The following KCNH4 variants were observed in gnomAD, a reference collection of about 807,000 sequenced individuals.
KCNH4 encodes potassium voltage-gated channel subfamily H member 4, also known as voltage-gated delayed rectifier potassium channel KCNH4.
A neutral mutation model predicts 90.7 loss-of-function variants in KCNH4; 33 were observed. That is an observed-to-expected ratio of 0.36 (90% CI 0.28 to 0.49). KCNH4 has a LOEUF of 0.49. KCNH4 is among the 20% of genes least tolerant of loss of function. KCNH4 has a pLI of 0.98. For synonymous variants in KCNH4, 551 were observed against 581.7 expected (o/e 0.95, Z 0.76); for missense variants, 1,044 against 1,387.1 (o/e 0.75, Z 3.93).
chr17:42,180,270 G>T lies in KCNH4; in HGVS notation c.76+600C>A, dbSNP rs908643346. On this transcript the variant is annotated intron_variant, in intron 1 of 16. Transcript: ENST00000264661. This position sits in a 1 kb window ranked among gnomAD's most constrained non-coding sequence, Gnocchi z 4.7. ...AGAGGGAATGGCGGGAGAAGAGGCG[G>T]GGGAGGAGTGATGTGGCTGTCCAAG... Among the ~76,000 whole-genome samples the T allele has an allele frequency of 2.0e-5, 3 of 152,084 alleles. No individual in the cohort carries two copies. The highest frequency in any genetic ancestry group is 7.2e-5 in the African/African-American group (3 of 41,412).
At position 42,178,937 on chromosome 17, in the gene KCNH4, C is replaced by T. The variant is rs748547180; in HGVS notation, c.166G>A (p.Gly56Ser). ...SDGFCELTGY[G>S]RTEVMQKTCS... ...GTCTTCTGCATGACCTCGGTGCGACCGTAGCCTGTGAGCTCGCAGAAGCCG... is the reference window on the plus strand; with the variant it reads ...GTCTTCTGCATGACCTCGGTGCGACTGTAGCCTGTGAGCTCGCAGAAGCCG... The change falls in exon 2 of 17, where the codon GGT (glycine) becomes AGT (serine). Residue 56 changes from glycine to serine, a missense_variant. Coordinates refer to ENST00000264661, the MANE Select transcript of KCNH4 (RefSeq NM_012285.3). 1.7e-5 allele frequency: 27 copies of T among 1,614,084 alleles called. No homozygotes were observed. The highest frequency in any genetic ancestry group is 1.1e-4 in the South Asian group (10 of 91,082).
In KCNH4 at chr17:42,180,665, C is replaced by A. The variant is rs915077219; in HGVS notation, c.76+205G>T. Among the ~76,000 whole-genome samples the A allele has an allele frequency of 1.3e-5, 2 of 152,060 alleles. No individual in the cohort carries two copies. Among genetic ancestry groups the A allele is most frequent in the Non-Finnish European group, 2.9e-5 (2 of 68,000 alleles). ...CTCGAGTCACACCCCCTAACCTTGG[C>A]CCCCGTGCTCTCGGCCCTTTCCCCT... On this transcript the variant is annotated intron_variant, in intron 1 of 16. Coordinates refer to ENST00000264661, the MANE Select transcript of KCNH4 (RefSeq NM_012285.3). The surrounding 1 kb of genome is among the most constrained non-coding windows in gnomAD (Gnocchi z 4.7).
chr17:42,168,347 C>A (rs912788034), intron 9 of KCNH4, among the ~76,000 whole-genome samples: 2 of 152,146 alleles, frequency 1.3e-5, no homozygotes, highest in African/African-American at 4.8e-5. Context: ...TATTCAAGTG[C>A]AAAGAAACAA....
At chr17:42,168,262 C>A (rs2079801266) in intron 9 of KCNH4, among the ~76,000 whole-genome samples, 1 of 152,176 alleles carries the variant, frequency 6.6e-6, no homozygotes, top group Non-Finnish European at 1.5e-5. Flanking sequence ...CCAAGGCTGG[C>A]CCAAAGCAGG....
At chr17:42,160,660 C>T (rs1298792880) in intron 15 of KCNH4, among the ~76,000 whole-genome samples, 3 of 152,156 alleles carry the variant, frequency 2.0e-5, no homozygotes, top group African/African-American at 4.8e-5. Flanking sequence ...CACACACGCG[C>T]GCGCGAGCTT....
rs757174422 is a variant in KCNH4, at chr17:42,169,569, G to A, written c.1498C>T (p.Arg500Cys). ...AGCGGCCGCGGCAGGCGGTGCACACGGATGAAGTCCTTGAGGTCCTTCATG... is the reference window on the plus strand; with the variant it reads ...AGCGGCCGCGGCAGGCGGTGCACACAGATGAAGTCCTTGAGGTCCTTCATG... ...SRMKDLKDFI[R>C]VHRLPRPLKQ... The change falls in exon 9 of 17, where the codon CGT (arginine) becomes TGT (cysteine). Residue 500 changes from arginine to cysteine, a missense_variant. This residue lies in a region of KCNH4 where 318 missense variants were observed against 479.6 expected (regional missense o/e 0.66). Transcript: ENST00000264661. The A allele has an allele frequency of 2.0e-5, 32 of 1,613,704 alleles. 1 individual carries two copies. The Admixed American group carries it at 2.0e-4, about 10-fold the overall frequency.
chr17:42,166,191 C>T (rs1337116737), intron 10 of KCNH4, 106 bp downstream of exon 10: 20 of 1,388,420 alleles, frequency 1.4e-5, no homozygotes, highest in Non-Finnish European at 1.7e-5. Context: ...TGTAGGTATC[C>T]ACGAGGGGTA....
chr17:42,162,243 C>A lies in KCNH4; in HGVS notation c.2658+5G>T, dbSNP rs1327473892. Reference sequence around the variant, plus strand: ...AGGCACGTCTCTGAGCCAGCCCCAACCCACCTCCTGGTTCAGCCGGCAAAC... The same window carrying A: ...AGGCACGTCTCTGAGCCAGCCCCAAACCACCTCCTGGTTCAGCCGGCAAAC... On this transcript the variant is annotated splice_donor_5th_base_variant and intron_variant, in intron 15 of 16. Transcript: ENST00000264661. 1 of 1,613,664 alleles carries A rather than the reference C, an allele frequency of 6.2e-7. No homozygotes were observed. Among genetic ancestry groups the A allele is most frequent in the African/African-American group, 1.3e-5 (1 of 74,874 alleles).
chr17:42,165,306 G>C (rs1283368190), intron 11 of KCNH4, 143 bp downstream of exon 11: 2 of 1,036,786 alleles, frequency 1.9e-6, no homozygotes, highest in Non-Finnish European at 2.9e-6. Context: ...GTATGAAGCA[G>C]GTAAGGGGCA....
rs1476568061 is a variant in KCNH4, at chr17:42,171,770, T to C, written c.1195+18A>G. ...AGGTGGACAGGTGGTCTGTGAAAGT[T>C]TGGGGTCGGTGGCTCACCAATGTCC... On this transcript the variant is annotated intron_variant, in intron 7 of 16. Coordinates refer to ENST00000264661, the MANE Select transcript of KCNH4 (RefSeq NM_012285.3). 1 of 1,613,502 alleles carries C rather than the reference T, an allele frequency of 6.2e-7. No homozygotes were observed. The highest frequency in any genetic ancestry group is 1.1e-5 in the South Asian group (1 of 91,048).
In KCNH4 at chr17:42,178,786, C is replaced by T; in HGVS notation, c.310+7G>A. On this transcript the variant is annotated splice_region_variant and intron_variant, in intron 2 of 16. Coordinates refer to ENST00000264661, the MANE Select transcript of KCNH4 (RefSeq NM_012285.3). ...GCAGAGCTGCAGGGTGGGGTGAGCC[C>T]CCTCACCATCCTTGCGGTAGAAGCA... The T allele has an allele frequency of 6.2e-7, 1 of 1,602,018 alleles. No homozygotes were observed. Among genetic ancestry groups the T allele is most frequent in the Non-Finnish European group, 8.5e-7 (1 of 1,170,560 alleles).
At chr17:42,164,320 A>G (rs1205873876) in intron 11 of KCNH4, 152 bp from the exon 12 acceptor site, 1 of 672,832 alleles carries the variant, frequency 1.5e-6, no homozygotes, top group Non-Finnish European at 2.4e-6. Context: ...TCAAACAAAC[A>G]CTGCATATCA....
chr17:42,170,046 G>A (rs895155917), intron 8 of KCNH4, 61 bp downstream of exon 8: 1 of 1,497,506 alleles, frequency 6.7e-7, no homozygotes, highest in Admixed American at 2.1e-5. Context: ...CTGGGCCTCA[G>A]TTTCCCCGTG....
At chr17:42,168,673 A>G (rs1348621343) in intron 9 of KCNH4, among the ~76,000 whole-genome samples, 1 of 151,992 alleles carries the variant, frequency 6.6e-6, no homozygotes, top group African/African-American at 2.4e-5. Context: ...AGAAGCAAGA[A>G]TTTGTATTTT....
rs1364163491 is a variant in KCNH4 at position 42,163,899 on chromosome 17, G to A, written c.2184C>T (p.Ala728=). 7 of 1,546,052 alleles carry A rather than the reference G, an allele frequency of 4.5e-6. No individual in the cohort carries two copies. The highest frequency in any genetic ancestry group is 2.0e-5 in the Admixed American group (1 of 50,142). Residue 728 remains alanine (A), a synonymous_variant, in exon 13 of 17, where the codon GCC becomes GCT. Transcript: ENST00000264661. The surrounding 1 kb of genome is among the most constrained non-coding windows in gnomAD (Gnocchi z 5.4). The stretch of plus-strand genomic sequence containing the variant: ...CACCCCCAGGCTCCGCGCCACTCTC[G>A]GCCTCTGTGATGGATGGCAGCGTCT... The part of the protein sequence containing the change: ...SDKTLPSITE[A]ESGAEPGGGP...
intron 9 of KCNH4, among the ~76,000 whole-genome samples, chr17:42,168,973 G>A (rs1055993877): frequency 1.3e-5 from 2 of 152,012 alleles, no homozygotes; most frequent in Non-Finnish European, 2.9e-5. Flanking sequence ...GGGTTTCACC[G>A]TGTTAGCCAG....
chr17:42,164,275 T>C, intron 11 of KCNH4, 107 bp from the exon 12 acceptor site: 2 of 995,436 alleles, frequency 2.0e-6, no homozygotes, highest in Non-Finnish European at 2.9e-6. Flanking sequence ...ATGTGGAGTC[T>C]TTTGTGGAGC....
chr17:42,157,136 CAG>C lies in KCNH4; in HGVS notation c.*310-20_*310-19del, dbSNP rs1416229778. On this transcript the variant is annotated intron_variant, in intron 16 of 16. Transcript: ENST00000264661. Reference sequence around the variant, plus strand: ...GAGACAGCCTGCAGAGAGACAGAAACAGAGATGTTGACAGACCCACGCCTAGG... The same window carrying C: ...GAGACAGCCTGCAGAGAGACAGAAACAGATGTTGACAGACCCACGCCTAGG... 6.6e-6 allele frequency: 1 copy of C among 152,206 alleles called. No homozygotes were observed. The highest frequency in any genetic ancestry group is 2.4e-5 in the African/African-American group (1 of 41,366). 9.4% of individuals were successfully genotyped at this position (152,206 alleles called of 1,614,324 possible).
chr17:42,164,283 A>G, intron 11 of KCNH4, 115 bp from the exon 12 acceptor site: 1 of 911,940 alleles, frequency 1.1e-6, no homozygotes, highest in South Asian at 1.8e-5. Flanking sequence ...TCTTTTGTGG[A>G]GCTGAGTCAG....
Sources: gnomAD v4.1 joint callset for allele counts (sites outside exome capture counted in the v4.1 genomes callset) on GRCh38, gnomAD v4.1.1 for gene constraint, gnomAD v4.1.1 regional missense constraint, Gnocchi (gnomAD v3.1) non-coding constraint, MANE v1.5 for transcripts, NCBI Gene and HGNC (gene_info 2026-07-23, HGNC 2026-07-21) for gene names.